The following ASTN1 variants were observed in gnomAD, a reference collection of about 807,000 sequenced individuals.
The protein encoded by ASTN1 is astrotactin 1.
Under a neutral mutation model 140.7 loss-of-function variants are expected in ASTN1, and 41 were observed. That is an observed-to-expected ratio of 0.29 (90% CI 0.23 to 0.38). The LOEUF (loss-of-function observed/expected upper bound fraction) is 0.38, where lower values mean the gene tolerates loss of function less well. ASTN1 is among the 10% of genes least tolerant of loss of function. ASTN1 has a pLI of 1.00. For synonymous variants in ASTN1, 640 were observed against 652.2 expected (o/e 0.98, Z 0.29); for missense variants, 1,479 against 1,678.8 (o/e 0.88, Z 2.08).
chr1:177,123,721 G>C (rs1474417377), intron 1 of ASTN1, among the ~76,000 whole-genome samples: 1 of 152,080 alleles, frequency 6.6e-6, no homozygotes, highest in African/African-American at 2.4e-5. Flanking sequence ...ACAGACAGCA[G>C]TTACTTACTG....
At chr1:177,099,458 G>T (rs1680199390) in intron 1 of ASTN1, among the ~76,000 whole-genome samples, 1 of 151,638 alleles carries the variant, frequency 6.6e-6, no homozygotes, top group Non-Finnish European at 1.5e-5. Context: ...TTGTGATTTT[G>T]GACATAAGAG....
chr1:176,991,413 CA>C (rs1200261285), intron 8 of ASTN1, among the ~76,000 whole-genome samples: 15 of 109,520 alleles, frequency 1.4e-4, no homozygotes, highest in East Asian at 5.8e-4. Context: ...AACTCTGTCT[CA>C]AAAAAAAAAA....
At chr1:177,049,992 A>G (rs983030816) in intron 2 of ASTN1, among the ~76,000 whole-genome samples, 2 of 152,220 alleles carry the variant, frequency 1.3e-5, no homozygotes, top group African/African-American at 4.8e-5. Flanking sequence ...AAATAAAAAG[A>G]GAATGAAAGA....
intron 16 of ASTN1, among the ~76,000 whole-genome samples, chr1:176,930,871 G>T (rs1671178359): frequency 6.6e-6 from 1 of 152,190 alleles, no homozygotes; most frequent in Admixed American, 6.5e-5. Flanking sequence ...AGAGGGGCGT[G>T]TGTTTATAAA....
intron 8 of ASTN1, among the ~76,000 whole-genome samples, chr1:177,011,181 A>C (rs1159135158): frequency 6.6e-6 from 1 of 152,144 alleles, no homozygotes; most frequent in Non-Finnish European, 1.5e-5. Context: ...TCTGCATGCT[A>C]GTTCCCTTTG....
chr1:177,101,998 T>C (rs746822018), intron 1 of ASTN1, among the ~76,000 whole-genome samples: 1 of 152,224 alleles, frequency 6.6e-6, no homozygotes, highest in Non-Finnish European at 1.5e-5. Flanking sequence ...TCTATTAGGA[T>C]AATGAGTGAG....
chr1:176,898,505 A>C (rs10489302), intron 16 of ASTN1, among the ~76,000 whole-genome samples: 9,102 of 152,324 alleles, frequency 0.06, 351 homozygotes, highest in Non-Finnish European at 0.087. Context: ...ACAATTGGGA[A>C]GTACTCTTTA....
intron 1 of ASTN1, among the ~76,000 whole-genome samples, chr1:177,138,864 A>G (rs1410115313): frequency 6.6e-6 from 1 of 152,220 alleles, no homozygotes; most frequent in East Asian, 1.9e-4. Flanking sequence ...CTTGTGAGAA[A>G]AGTACTATCT....
At chr1:177,104,735 T>G (rs1680469558) in intron 1 of ASTN1, among the ~76,000 whole-genome samples, 1 of 152,212 alleles carries the variant, frequency 6.6e-6, no homozygotes, top group Admixed American at 6.5e-5. Flanking sequence ...AAATGAATGC[T>G]AGTCCAAAAA....
rs1225899125 is a variant in ASTN1, at chr1:177,030,958, T to C, written c.866-6A>G. Reference sequence around the variant, plus strand: ...CAGCTTGGCATTGTCACTTCCTGTATAAGGAAAAGACGAGGCAAAAACTTT... The same window carrying C: ...CAGCTTGGCATTGTCACTTCCTGTACAAGGAAAAGACGAGGCAAAAACTTT... On this transcript the variant is annotated splice_region_variant and splice_polypyrimidine_tract_variant and intron_variant, in intron 3 of 22. Transcript: ENST00000361833. The C allele has an allele frequency of 5.6e-6, 9 of 1,607,330 alleles. No individual in the cohort carries two copies. Among genetic ancestry groups the C allele is most frequent in the East Asian group, 2.2e-5 (1 of 44,720 alleles).
intron 16 of ASTN1, among the ~76,000 whole-genome samples, chr1:176,899,224 T>A (rs1467692341): frequency 6.6e-6 from 1 of 152,194 alleles, no homozygotes; most frequent in Admixed American, 6.5e-5. Context: ...CAATAGAATA[T>A]TGTGGTATGA....
In ASTN1 at chr1:177,029,766, G is replaced by C. The variant is rs1676329334; in HGVS notation, c.1013-25C>G. On this transcript the variant is annotated intron_variant, in intron 4 of 22. Transcript: ENST00000361833. ...GCTGTAATGAAAGCAGCATGGTCAAGAAAGCGTTTTCAGTTCTGGTTTCAT... is the reference window on the plus strand; with the variant it reads ...GCTGTAATGAAAGCAGCATGGTCAACAAAGCGTTTTCAGTTCTGGTTTCAT... 8 of 1,591,698 alleles carry C rather than the reference G, an allele frequency of 5.0e-6. No homozygotes were observed. In the Middle Eastern group the frequency reaches 6.6e-4, roughly 132 times the overall value.
chr1:177,076,007 T>C (rs1170086039), intron 1 of ASTN1, among the ~76,000 whole-genome samples: 1 of 151,882 alleles, frequency 6.6e-6, no homozygotes, highest in East Asian at 1.9e-4. Flanking sequence ...TGGTAGAACA[T>C]GGTGGCTCAC....
In ASTN1 at chr1:176,973,471, G is replaced by A. The variant is rs181861341; in HGVS notation, c.1524-8234C>T. ...AATGACCCTGTGGCTCCATTTCTGC[G>A]TTTGCACAGATGAATGCAGTTGGCC... is the stretch of plus-strand genomic sequence containing the variant. On this transcript the variant is annotated intron_variant, in intron 8 of 22. Coordinates refer to ENST00000361833, the MANE Select transcript of ASTN1 (RefSeq NM_004319.3). Among the ~76,000 whole-genome samples the A allele has an allele frequency of 1.1e-4, 16 of 152,138 alleles. No homozygotes were observed. In the East Asian group the frequency reaches 2.1e-3, roughly 20 times the overall value.
At chr1:176,949,473 A>G (rs979233438) in intron 11 of ASTN1, 122 bp from the exon 12 acceptor site, 3 of 1,119,004 alleles carry the variant, frequency 2.7e-6, no homozygotes, top group Non-Finnish European at 3.7e-6. Context: ...AACATTCGCA[A>G]GTAATCCATG....
Position 176,916,499 on chromosome 1 carries a change from G to A in ASTN1, c.2671+17653C>T, listed in dbSNP as rs576641533. Among the ~76,000 whole-genome samples the A allele has an allele frequency of 6.6e-5, 10 of 152,278 alleles. No individual in the cohort carries two copies. The South Asian group carries it at 1.7e-3, about 25-fold the overall frequency. On this transcript the variant is annotated intron_variant, in intron 16 of 22. Transcript: ENST00000361833. The stretch of plus-strand genomic sequence containing the variant: ...TTTGCCATCATTGAGGGGGGTCCCC[G>A]CAGAGCCCACAGGTTTTCCATGTAT...
At chr1:176,935,371 C>T (rs769384096) in intron 15 of ASTN1, among the ~76,000 whole-genome samples, 2 of 152,200 alleles carry the variant, frequency 1.3e-5, no homozygotes, top group Non-Finnish European at 2.9e-5. Flanking sequence ...TCTCTAATAT[C>T]GTATTTTCCT....
At chr1:177,132,024 A>G (rs1291509823) in intron 1 of ASTN1, among the ~76,000 whole-genome samples, 1 of 152,194 alleles carries the variant, frequency 6.6e-6, no homozygotes, top group African/African-American at 2.4e-5. Flanking sequence ...TGCCACATTC[A>G]GGATCAAATT....
intron 16 of ASTN1, among the ~76,000 whole-genome samples, chr1:176,916,556 T>C (rs918148912): frequency 1.8e-4 from 27 of 152,152 alleles, no homozygotes; most frequent in African/African-American, 6.5e-4. Flanking sequence ...GAGTGTGCAC[T>C]GCTATGGCTC....
Sources: allele counts gnomAD v4.1 joint callset (sites outside exome capture counted in the v4.1 genomes callset), GRCh38; gene constraint gnomAD v4.1.1; transcripts MANE v1.5; gene names NCBI Gene and HGNC (gene_info 2026-07-23, HGNC 2026-07-21).